The following OR51I2 variants were observed in gnomAD, a reference collection of about 807,000 sequenced individuals.
OR51I2 encodes olfactory receptor 51I2.
Under a neutral mutation model 9.3 loss-of-function variants are expected in OR51I2, and 6 were observed. That is an observed-to-expected ratio of 0.64 (90% confidence interval 0.35 to 1.27). The LOEUF is 1.27. Among genes scored for constraint, OR51I2 ranks in the 50% most tolerant of loss-of-function variants. OR51I2 has a pLI of 0.03. For synonymous variants in OR51I2, 179 were observed against 143.1 expected, an observed-to-expected ratio of 1.25 and a Z score of -1.79; for missense variants, 489 against 396.4, an observed-to-expected ratio of 1.23 and a Z score of -1.98.
At chr11:5,449,756 T>C (rs1040060885) in intron 1 of OR51I2, among the ~76,000 whole-genome samples, 1 of 152,208 alleles carries the variant, frequency 6.6e-6, no homozygotes, top group Non-Finnish European at 1.5e-5. Context: ...ACCTATCCCA[T>C]GACAAACAGC....
At position 5,453,876 on chromosome 11, in the gene OR51I2, T is replaced by G; in HGVS notation, c.388T>G (p.Leu130Val). The change falls in exon 2 of 2, where the codon TTG becomes GTG. Residue 130 changes from leucine to valine, a missense_variant. Coordinates refer to ENST00000641930, the MANE Select transcript of OR51I2 (RefSeq NM_001004754.3). ...CCGCTATGTGGCCATTTGTGACCCCTTGCGCTATGCAACTGTGCTCACCAC... is the reference window on the plus strand; with the variant it reads ...CCGCTATGTGGCCATTTGTGACCCCGTGCGCTATGCAACTGTGCTCACCAC... ...FDRYVAICDP[L>V]RYATVLTTEV... 1 of 1,614,228 alleles carries G rather than the reference T, an allele frequency of 6.2e-7. No homozygotes were observed. The highest frequency in any genetic ancestry group is 1.3e-5 in the African/African-American group (1 of 75,056).
chr11:5,452,499 T>A (rs891072757), intron 1 of OR51I2, among the ~76,000 whole-genome samples: 1 of 76,676 alleles, frequency 1.3e-5, no homozygotes, highest in Non-Finnish European at 2.2e-5. Context: ...AGAGAGACTC[T>A]GTCTCAAAAA....
rs1410631048 is a variant in OR51I2 at position 5,455,257 on chromosome 11, TTTC to T, written c.*832_*834del. 6.6e-6 allele frequency: 1 copy of T among 152,098 alleles called. No homozygotes were observed. Among genetic ancestry groups the T allele is most frequent in the East Asian group, 1.9e-4 (1 of 5,194 alleles). The allele number at this position is 152,098 out of a possible 1,614,324, so 9.4% of individuals were successfully genotyped here. A position where few individuals can be genotyped will look rare whatever the true frequency, so the allele number is the denominator to read the frequency against. On this transcript the variant is annotated 3_prime_UTR_variant, in exon 2 of 2. Transcript: ENST00000641930. The stretch of plus-strand genomic sequence containing the variant: ...AGGGGGAATTGTGGTAGGGGCACAA[TTTC>T]TATTTCTCTTTCCTTCTTGAGATTT...
intron 1 of OR51I2, among the ~76,000 whole-genome samples, chr11:5,451,248 T>C (rs569904672): frequency 1.4e-4 from 21 of 152,228 alleles, no homozygotes; most frequent in South Asian, 6.2e-4. Flanking sequence ...CTTCTACAAA[T>C]ACTAAAGCAT....
rs1850952427 is a variant in OR51I2 at position 5,455,919 on chromosome 11, G to C, written c.*1492G>C. On this transcript the variant is annotated 3_prime_UTR_variant, in exon 2 of 2. Transcript: ENST00000641930. ...AAGAATGTTTGGATAGCATAACTTA[G>C]TATGATTTCCAATGGAAAATTATTA... The C allele has an allele frequency of 6.6e-6, 1 of 152,150 alleles. No homozygotes were observed. Among genetic ancestry groups the C allele is most frequent in the Non-Finnish European group, 1.5e-5 (1 of 68,018 alleles). 9.4% of individuals were successfully genotyped at this position (152,150 alleles called of 1,614,324 possible). A position where few individuals can be genotyped will look rare whatever the true frequency, so the allele number is the denominator to read the frequency against.
rs886159592 is a variant in OR51I2, at chr11:5,449,323, G to A, written c.-272G>A. On this transcript the variant is annotated 5_prime_UTR_variant, in exon 1 of 2. Transcript: ENST00000641930. ...GATGAATTCACTTCAGCAGAGACAGGGAAGAACTTGTTCTGTGGGTGTCTC... is the reference window on the plus strand; with the variant it reads ...GATGAATTCACTTCAGCAGAGACAGAGAAGAACTTGTTCTGTGGGTGTCTC... The A allele has an allele frequency of 8.5e-5, 13 of 152,216 alleles. No individual in the cohort carries two copies. The highest frequency in any genetic ancestry group is 1.3e-4 in the Non-Finnish European group (9 of 68,068). 9.4% of individuals were successfully genotyped at this position (152,216 alleles called of 1,614,324 possible). A position where few individuals can be genotyped will look rare whatever the true frequency, so the allele number is the denominator to read the frequency against.
Position 5,450,235 on chromosome 11 carries a change from A to T in OR51I2, c.-231+871A>T, listed in dbSNP as rs188689063. Among the ~76,000 whole-genome samples, 988 of 152,120 alleles carry T rather than the reference A, an allele frequency of 6.5e-3. 2 individuals carry two copies. The highest frequency in any genetic ancestry group is 0.01 in the Non-Finnish European group (705 of 68,002). Reference sequence around the variant, plus strand: ...GAAACCCTGTCTCTATTAAAAATACAAAAATTAGCCAGGCGTGGTGGCAGG... The same window carrying T: ...GAAACCCTGTCTCTATTAAAAATACTAAAATTAGCCAGGCGTGGTGGCAGG... On this transcript the variant is annotated intron_variant, in intron 1 of 1. Coordinates refer to ENST00000641930, the MANE Select transcript of OR51I2 (RefSeq NM_001004754.3).
At position 5,451,625 on chromosome 11, in the gene OR51I2, G is replaced by A. The variant is rs528527191; in HGVS notation, c.-230-1634G>A. ...GGGGATATTTTAAAAATGCTTCCTG[G>A]GGTGACAATGCTTCATTGCACCCCA... On this transcript the variant is annotated intron_variant, in intron 1 of 1. Transcript: ENST00000641930. 5.9e-5 allele frequency among the ~76,000 whole-genome samples: 9 copies of A among 152,234 alleles called. No homozygotes were observed. The South Asian group carries it at 1.7e-3, about 28-fold the overall frequency.
intron 1 of OR51I2, among the ~76,000 whole-genome samples, chr11:5,451,141 A>G (rs10742679): frequency 0.47 from 71,197 of 152,024 alleles, 16,952 homozygotes; most frequent in Non-Finnish European, 0.5. Context: ...TTTCTTTCTC[A>G]GTATTACTTT....
chr11:5,453,849 G>GA lies in OR51I2; in HGVS notation c.362dup (p.Asp121GlufsTer8). On this transcript the variant is annotated frameshift_variant, in exon 2 of 2. Coordinates refer to ENST00000641930, the MANE Select transcript of OR51I2 (RefSeq NM_001004754.3). LOFTEE classifies it high-confidence loss of function. ...AGGTATTCTGCTGGCCATGAGTTTT[G>GA]ACCGCTATGTGGCCATTTGTGACCC... 1 of 1,614,184 alleles carries GA rather than the reference G, an allele frequency of 6.2e-7. No individual in the cohort carries two copies. Among genetic ancestry groups the GA allele is most frequent in the Non-Finnish European group, 8.5e-7 (1 of 1,180,032 alleles).
Position 5,453,511 on chromosome 11 carries a change from A to ACC in OR51I2, c.25_26dup (p.Ala10LeufsTer6), listed in dbSNP as rs1232974655. The stretch of plus-strand genomic sequence containing the variant: ...GCTATGGGGTTGTTCAATGTCACTC[A>ACC]CCCTGCATTCTTCCTCCTGACTGGT... On this transcript the variant is annotated frameshift_variant, in exon 2 of 2. Coordinates refer to ENST00000641930, the MANE Select transcript of OR51I2 (RefSeq NM_001004754.3). LOFTEE classifies it low-confidence loss of function (END_TRUNC). 1.3e-6 allele frequency: 2 copies of ACC among 1,569,392 alleles called. No individual in the cohort carries two copies. Among genetic ancestry groups the ACC allele is most frequent in the Middle Eastern group, 1.7e-4 (1 of 5,844 alleles).
At position 5,455,929 on chromosome 11, in the gene OR51I2, CA is replaced by C. The variant is rs1425060080; in HGVS notation, c.*1504del. ...GGATAGCATAACTTAGTATGATTTC[CA>C]ATGGAAAATTATTAGAATATTTAGT... On this transcript the variant is annotated 3_prime_UTR_variant, in exon 2 of 2. Coordinates refer to ENST00000641930, the MANE Select transcript of OR51I2 (RefSeq NM_001004754.3). 6.6e-6 allele frequency: 1 copy of C among 152,006 alleles called. No homozygotes were observed. The highest frequency in any genetic ancestry group is 1.5e-5 in the Non-Finnish European group (1 of 68,000). 9.4% of individuals were successfully genotyped at this position (152,006 alleles called of 1,614,324 possible). A position where few individuals can be genotyped will look rare whatever the true frequency, so the allele number is the denominator to read the frequency against.
chr11:5,450,619 C>T (rs993652620), intron 1 of OR51I2, among the ~76,000 whole-genome samples: 1 of 152,090 alleles, frequency 6.6e-6, no homozygotes, highest in African/African-American at 2.4e-5. Flanking sequence ...GAGACAGGTA[C>T]TTTTGTGTAA....
intron 1 of OR51I2, among the ~76,000 whole-genome samples, chr11:5,451,826 G>A (rs755127603): frequency 1.3e-5 from 2 of 152,136 alleles, no homozygotes; most frequent in Non-Finnish European, 2.9e-5. Flanking sequence ...CTAAAATGAG[G>A]GTGACCTATT....
intron 1 of OR51I2, among the ~76,000 whole-genome samples, chr11:5,452,904 AG>A (rs1004091135): frequency 3.9e-5 from 6 of 152,214 alleles, no homozygotes; most frequent in Non-Finnish European, 5.9e-5. Context: ...GCCAATGAAA[AG>A]CTCATGACTG....
chr11:5,454,516 T>G lies in OR51I2; in HGVS notation c.*89T>G. On this transcript the variant is annotated 3_prime_UTR_variant, in exon 2 of 2. Coordinates refer to ENST00000641930, the MANE Select transcript of OR51I2 (RefSeq NM_001004754.3). ...CATCATCATCAAAGTATAAGATAGA[T>G]TGTGTGCTGCGGGAAAAGTAGGCCA... 1 of 1,132,560 alleles carries G rather than the reference T, an allele frequency of 8.8e-7. No individual in the cohort carries two copies. Among genetic ancestry groups the G allele is most frequent in the Non-Finnish European group, 1.3e-6 (1 of 794,986 alleles). 70.2% of individuals were successfully genotyped at this position (1,132,560 alleles called of 1,614,324 possible). A position where few individuals can be genotyped will look rare whatever the true frequency, so the allele number is the denominator to read the frequency against.
chr11:5,453,913 C>A lies in OR51I2; in HGVS notation c.425C>A (p.Ala142Asp), dbSNP rs763500716. Residue 142 changes from alanine to aspartate, a missense_variant, in exon 2 of 2, where the codon GCT (alanine) becomes GAT (aspartate). Ala to Asp is a moderately radical substitution (Grantham distance 126). Coordinates refer to ENST00000641930, the MANE Select transcript of OR51I2 (RefSeq NM_001004754.3). ...ACTGTGCTCACCACTGAAGTCATTG[C>A]TGCAATGGGTTTAGGTGCAGCTGCT... ...YATVLTTEVI[A>D]AMGLGAAARS... 1 of 1,614,214 alleles carries A rather than the reference C, an allele frequency of 6.2e-7. No individual in the cohort carries two copies. Among genetic ancestry groups the A allele is most frequent in the South Asian group, 1.1e-5 (1 of 91,088 alleles).
intron 1 of OR51I2, among the ~76,000 whole-genome samples, chr11:5,451,518 C>T (rs1167415701): frequency 6.6e-6 from 1 of 152,138 alleles, no homozygotes; most frequent in African/African-American, 2.4e-5. Context: ...GCTCTAAGAC[C>T]AGAAGGGACA....
Position 5,454,103 on chromosome 11 carries a change from C to T in OR51I2, c.615C>T (p.Ser205=), listed in dbSNP as rs1445472247. Residue 205 remains serine, a synonymous_variant, in exon 2 of 2, where the codon TCC becomes TCT. Transcript: ENST00000641930. ...TCTATGGACTCTTTGTTCTTGTATC[C>T]ACCTTTGGCATGGACCTGTTTTTTA... ...NSIYGLFVLV[S]TFGMDLFFIF... The T allele has an allele frequency of 6.2e-6, 10 of 1,614,168 alleles. No individual in the cohort carries two copies. The highest frequency in any genetic ancestry group is 1.3e-5 in the African/African-American group (1 of 75,040).
Sources: allele counts gnomAD v4.1 joint callset (sites outside exome capture counted in the v4.1 genomes callset), GRCh38; gene constraint gnomAD v4.1.1; transcripts MANE v1.5; gene names NCBI Gene and HGNC (gene_info 2026-07-23, HGNC 2026-07-21).